The following HERC4 variants were observed in gnomAD, a reference collection of about 807,000 sequenced individuals.
The protein encoded by HERC4 is HECT and RLD domain containing E3 ubiquitin protein ligase 4.
A neutral mutation model predicts 124.3 loss-of-function variants in HERC4; 28 were observed. The observed-to-expected ratio is 0.23, with a 90% CI of 0.17 to 0.31. The LOEUF (loss-of-function observed/expected upper bound fraction) is 0.31, where lower values mean the gene tolerates loss of function less well. HERC4 is among the 10% of genes least tolerant of loss of function. The pLI, the probability that HERC4 is intolerant of heterozygous loss-of-function variation, is 1.00. For missense variants in HERC4, 713 were observed against 1,229.3 expected (o/e 0.58, Z 6.28); for synonymous variants, 407 against 421.5 (o/e 0.97, Z 0.42).
intron 15 of HERC4, among the ~76,000 whole-genome samples, chr10:67,978,815 A>AC (rs2132606627): frequency 6.6e-6 from 1 of 152,286 alleles, no homozygotes; most frequent in Admixed American, 6.5e-5. Flanking sequence ...AAGAGAAAGA[A>AC]CAAGAGTCTC....
intron 9 of HERC4, chr10:68,010,345 C>T (rs571673667): frequency 6.4e-6 from 6 of 944,078 alleles, no homozygotes; most frequent in Non-Finnish European, 1.0e-5. Flanking sequence ...AAATGGGGCC[C>T]TGAGGCCATA....
At chr10:68,065,844 C>T (rs565698041) in intron 3 of HERC4, among the ~76,000 whole-genome samples, 18 of 152,048 alleles carry the variant, frequency 1.2e-4, no homozygotes, top group African/African-American at 4.3e-4. Context: ...ACAACAAGAT[C>T]CTGTCTAAAA....
chr10:68,011,003 C>T (rs2037919883), intron 9 of HERC4: 5 of 703,048 alleles, frequency 7.1e-6, no homozygotes, highest in East Asian at 2.7e-5. Flanking sequence ...GTCTTGAGCC[C>T]CTCAGTCATC....
intron 16 of HERC4, among the ~76,000 whole-genome samples, chr10:67,958,603 G>A (rs963257872): frequency 3.3e-5 from 5 of 152,164 alleles, no homozygotes; most frequent in Non-Finnish European, 5.9e-5. Flanking sequence ...GTAGTCTAGG[G>A]TTGTTGATTA....
chr10:68,041,276 A>C (rs2039753910), intron 4 of HERC4, among the ~76,000 whole-genome samples: 1 of 151,892 alleles, frequency 6.6e-6, no homozygotes, highest in Non-Finnish European at 1.5e-5. Flanking sequence ...GTAATTTAAG[A>C]AAAATCTTAA....
intron 15 of HERC4, 56 bp from the exon 16 acceptor site, chr10:67,966,858 T>C (rs1226227288): frequency 7.5e-7 from 1 of 1,328,694 alleles, no homozygotes; most frequent in East Asian, 2.8e-5. Flanking sequence ...GACAGACAAA[T>C]TTTTTTTATT....
At chr10:68,074,267 G>A (rs1393313962) in intron 1 of HERC4, 1 of 152,106 alleles carries the variant, frequency 6.6e-6, no homozygotes, top group Non-Finnish European at 1.5e-5. Context: ...TTATTCTGTA[G>A]CAGTCATCCA....
chr10:67,966,779 A>G lies in HERC4; in HGVS notation c.1830T>C (p.Ile610=), dbSNP rs749859393. The G allele has an allele frequency of 6.4e-7, 1 of 1,561,270 alleles. No individual in the cohort carries two copies. Among genetic ancestry groups the G allele is most frequent in the African/African-American group, 1.4e-5 (1 of 72,564 alleles). The change falls in exon 16 of 25, where the codon ATT becomes ATC. Residue 610 remains isoleucine, a synonymous_variant. Coordinates refer to ENST00000373700, the MANE Select transcript of HERC4 (RefSeq NM_015601.4). ...GTATATAAAATTTATCATACTGTAT[A>G]ATCTGTCCCATTTTCTCATTTACCT... ...LHRVNEKMGQ[I]IQYDKFYIHE...
intron 7 of HERC4, among the ~76,000 whole-genome samples, 164 bp downstream of exon 7, chr10:68,032,614 G>C (rs1011973160): frequency 8.6e-5 from 13 of 151,794 alleles, no homozygotes; most frequent in African/African-American, 3.1e-4. Context: ...TGAAAAATAA[G>C]GTAAATTTTT....
Position 68,025,687 on chromosome 10 carries a change from A to G in HERC4, c.778-11T>C. The G allele has an allele frequency of 6.3e-7, 1 of 1,595,512 alleles. No homozygotes were observed. The highest frequency in any genetic ancestry group is 2.3e-5 in the East Asian group (1 of 43,978). ...AAACACTCCACCTTCCTAAAAAAAG[A>G]CAAAACCCCTTATCATTAGAAGGCA... is the stretch of plus-strand genomic sequence containing the variant. On this transcript the variant is annotated splice_polypyrimidine_tract_variant and intron_variant, in intron 7 of 24. Transcript: ENST00000373700.
chr10:67,990,940 T>C lies in HERC4; in HGVS notation c.1407A>G (p.Lys469=), dbSNP rs762253779. The C allele has an allele frequency of 5.0e-6, 8 of 1,609,052 alleles. No homozygotes were observed. The highest frequency in any genetic ancestry group is 3.3e-5 in the South Asian group (3 of 90,554). ...TCTGCGGATGATCAGGTTGTATAAG[T>C]TTGTGGAATAAAAGCCTAGCAGCAT... is the stretch of plus-strand genomic sequence containing the variant. The part of the protein sequence containing the change: ...DMNAARLLFH[K]LIQPDHPQIS... The change falls in exon 13 of 25, where the codon AAA becomes AAG. Residue 469 remains lysine, a synonymous_variant. Transcript: ENST00000373700.
At chr10:67,936,271 G>T in intron 21 of HERC4, 36 bp from the exon 22 acceptor site, 2 of 1,218,082 alleles carry the variant, frequency 1.6e-6, no homozygotes, top group Non-Finnish European at 2.3e-6. Context: ...GTCAATGTCA[G>T]ACTCAAAACT....
intron 15 of HERC4, among the ~76,000 whole-genome samples, chr10:67,975,290 T>A (rs2035518484): frequency 6.6e-6 from 1 of 152,222 alleles, no homozygotes; most frequent in African/African-American, 2.4e-5. Context: ...AACAGTCTTA[T>A]GAAATGTATA....
intron 18 of HERC4, 37 bp downstream of exon 18, chr10:67,954,926 A>C (rs759844892): frequency 6.5e-7 from 1 of 1,541,590 alleles, no homozygotes; most frequent in Non-Finnish European, 8.7e-7. Flanking sequence ...GCTTCTGAAT[A>C]AAAGTCCCAA....
chr10:68,000,719 C>G (rs1295916291), intron 9 of HERC4, among the ~76,000 whole-genome samples: 1 of 151,908 alleles, frequency 6.6e-6, no homozygotes, highest in Non-Finnish European at 1.5e-5. Flanking sequence ...GTTTTGTGTC[C>G]TTATAAAAGG....
At chr10:68,033,844 C>T (rs979760256) in intron 6 of HERC4, 121 bp downstream of exon 6, 7 of 735,170 alleles carry the variant, frequency 9.5e-6, no homozygotes, top group Non-Finnish European at 1.5e-5. Flanking sequence ...TAAATAACAT[C>T]TCATCCCCAC....
chr10:67,922,365 T>TA lies in HERC4; in HGVS notation c.*565dup, dbSNP rs2030303747. 1 of 152,200 alleles carries TA rather than the reference T, an allele frequency of 6.6e-6. No homozygotes were observed. The highest frequency in any genetic ancestry group is 2.1e-4 in the South Asian group (1 of 4,826). 9.4% of individuals were successfully genotyped at this position (152,200 alleles called of 1,614,324 possible). On this transcript the variant is annotated 3_prime_UTR_variant, in exon 25 of 25. Coordinates refer to ENST00000373700, the MANE Select transcript of HERC4 (RefSeq NM_015601.4). ...ACTTATTCTAGCAAAAAAGAAAAGA[T>TA]AGTGTTTCCACCATGCTACCTTTTT...
At chr10:68,028,313 T>C (rs1017140940) in intron 7 of HERC4, among the ~76,000 whole-genome samples, 2 of 152,128 alleles carry the variant, frequency 1.3e-5, no homozygotes, top group African/African-American at 2.4e-5. Context: ...TTTGCTTATA[T>C]TGATTTGCAA....
chr10:68,033,986 G>A lies in HERC4; in HGVS notation c.664C>T (p.Leu222=). The change falls in exon 6 of 25, where the codon CTA becomes TTA. Residue 222 remains leucine, a synonymous_variant. Transcript: ENST00000373700. ...CTACCATTTTCATCATTAAGACCTAGCTGACCAAACTTGTTGCGTCCCCAT... is the reference window on the plus strand; with the variant it reads ...CTACCATTTTCATCATTAAGACCTAACTGACCAAACTTGTTGCGTCCCCAT... The part of the protein sequence containing the change: ...FGWGRNKFGQ[L]GLNDENDRYV... 6.2e-7 allele frequency: 1 copy of A among 1,614,014 alleles called. No homozygotes were observed. The highest frequency in any genetic ancestry group is 2.2e-5 in the East Asian group (1 of 44,864).
Sources: allele counts gnomAD v4.1 joint callset (sites outside exome capture counted in the v4.1 genomes callset), GRCh38; gene constraint gnomAD v4.1.1; transcripts MANE v1.5; gene names NCBI Gene and HGNC (gene_info 2026-07-23, HGNC 2026-07-21).